Variants in CTNNA2 observed in about 807,000 individuals in gnomAD.
The protein encoded by CTNNA2 is catenin alpha 2.
In CTNNA2, 42 loss-of-function variants were observed where a neutral mutation model predicts 101.0. The ratio of observed to expected loss-of-function variants is 0.42; its 90% CI spans 0.32 to 0.54. The LOEUF (loss-of-function observed/expected upper bound fraction) is 0.54. CTNNA2 is among the 20% of genes least tolerant of loss of function. The probability of loss-of-function intolerance (pLI) is 0.14; values close to 1 mark genes in which losing one functional copy is unlikely to be tolerated. For synonymous variants in CTNNA2, 450 were observed against 456.4 expected, an observed-to-expected ratio of 0.99 and a Z score of 0.18; for missense variants, 871 against 1,223.1, an observed-to-expected ratio of 0.71 and a Z score of 4.29.
At chr2:79,807,243 A>G (rs1676650188) in intron 3 of CTNNA2, among the ~76,000 whole-genome samples, 1 of 152,074 alleles carries the variant, frequency 6.6e-6, no homozygotes, top group African/African-American at 2.4e-5. Context: ...TTGTAGATTC[A>G]TGATTTTTAT....
At chr2:79,721,082 G>T (rs1164590756) in intron 2 of CTNNA2, among the ~76,000 whole-genome samples, 27 of 150,530 alleles carry the variant, frequency 1.8e-4, no homozygotes, top group Middle Eastern at 3.4e-3. Context: ...ATCACATCAT[G>T]CTTCTTGTTC....
At chr2:80,138,652 C>A (rs933879675) in intron 7 of CTNNA2, among the ~76,000 whole-genome samples, 1 of 152,086 alleles carries the variant, frequency 6.6e-6, no homozygotes, top group Non-Finnish European at 1.5e-5. Flanking sequence ...AGCAGCTGGA[C>A]TGCCTGAGTT....
intron 7 of CTNNA2, among the ~76,000 whole-genome samples, chr2:80,291,957 G>A (rs2149181133): frequency 6.6e-6 from 1 of 152,314 alleles, no homozygotes; most frequent in East Asian, 1.9e-4. Flanking sequence ...AGAAAGCTGG[G>A]AAGGAAGCCA....
At chr2:80,063,850 G>T (rs945179334) in intron 7 of CTNNA2, among the ~76,000 whole-genome samples, 3 of 152,150 alleles carry the variant, frequency 2.0e-5, no homozygotes, top group Non-Finnish European at 4.4e-5. Context: ...CATTTCCAAA[G>T]TATAAGAATT....
chr2:79,859,429 G>A (rs1299058589), intron 4 of CTNNA2, among the ~76,000 whole-genome samples: 2 of 152,054 alleles, frequency 1.3e-5, no homozygotes, highest in African/African-American at 2.4e-5. Flanking sequence ...TTTACCGAAG[G>A]TGGCCCCAAT....
intron 2 of CTNNA2, among the ~76,000 whole-genome samples, chr2:79,242,398 T>G (rs908437001): frequency 6.6e-6 from 1 of 152,140 alleles, no homozygotes; most frequent in African/African-American, 2.4e-5. Context: ...GGAGGTGATT[T>G]GGGGAAACCT....
chr2:79,679,550 G>A (rs572721941), intron 2 of CTNNA2, among the ~76,000 whole-genome samples: 2 of 152,062 alleles, frequency 1.3e-5, no homozygotes, highest in Admixed American at 6.6e-5. Context: ...GCATGCAGCT[G>A]TAAACCGCCC....
At chr2:80,487,398 G>A (rs1971116) in intron 9 of CTNNA2, among the ~76,000 whole-genome samples, 47,721 of 151,934 alleles carry the variant, frequency 0.31, 8,026 homozygotes, top group East Asian at 0.62. Flanking sequence ...AAAGCAAAGA[G>A]GTTTAATTGA....
rs542603343 is a variant in CTNNA2 at position 80,574,324 on chromosome 2, G to T, written c.1893+10G>T. On this transcript the variant is annotated intron_variant, in intron 13 of 18. Transcript: ENST00000402739. ...TGTGCTGATGATCAGGGTATGTGAG[G>T]CCTCTGTAGCTCAGAGCTGGTCAGA... 2.5e-6 allele frequency: 4 copies of T among 1,603,260 alleles called. No homozygotes were observed. Among genetic ancestry groups the T allele is most frequent in the Non-Finnish European group, 3.4e-6 (4 of 1,171,972 alleles).
At chr2:79,220,815 C>T (rs1433297576) in intron 2 of CTNNA2, among the ~76,000 whole-genome samples, 1 of 152,132 alleles carries the variant, frequency 6.6e-6, no homozygotes, top group Admixed American at 6.5e-5. Context: ...TAAAGCTTCA[C>T]CTGAGAGCTG....
At chr2:80,519,044 G>A (rs1031262541) in intron 9 of CTNNA2, among the ~76,000 whole-genome samples, 12 of 152,050 alleles carry the variant, frequency 7.9e-5, no homozygotes, top group African/African-American at 2.9e-4. Flanking sequence ...AGTTTTCATG[G>A]GGCAGTGAAA....
intron 4 of CTNNA2, among the ~76,000 whole-genome samples, chr2:79,401,689 G>A (rs914571875): frequency 3.3e-5 from 5 of 150,466 alleles, no homozygotes; most frequent in African/African-American, 7.3e-5. Context: ...TGATAAAATC[G>A]AAAAACTAAA....
At chr2:79,995,417 C>T (rs1232089959) in intron 7 of CTNNA2, among the ~76,000 whole-genome samples, 1 of 152,152 alleles carries the variant, frequency 6.6e-6, no homozygotes, top group African/African-American at 2.4e-5. Flanking sequence ...AGCCATCTAG[C>T]ATCTATATTC....
intron 9 of CTNNA2, among the ~76,000 whole-genome samples, chr2:80,441,694 A>G (rs189906810): frequency 1.3e-5 from 2 of 152,292 alleles, no homozygotes; most frequent in African/African-American, 4.8e-5. Context: ...AAAATATAAT[A>G]TGTTAGGCAA....
intron 3 of CTNNA2, among the ~76,000 whole-genome samples, chr2:79,314,023 A>T (rs1676441059): frequency 1.3e-5 from 2 of 152,024 alleles, no homozygotes; most frequent in African/African-American, 4.8e-5. Flanking sequence ...TTGCTGAGGG[A>T]TGGGGCATCC....
intron 7 of CTNNA2, among the ~76,000 whole-genome samples, chr2:80,127,872 G>A (rs1030259817): frequency 2.0e-5 from 3 of 152,046 alleles, no homozygotes; most frequent in African/African-American, 7.2e-5. Flanking sequence ...GAGTACAGGG[G>A]GCAGCTATTC....
chr2:80,355,812 C>A (rs532403553), intron 7 of CTNNA2, among the ~76,000 whole-genome samples: 1 of 152,068 alleles, frequency 6.6e-6, no homozygotes, highest in African/African-American at 2.4e-5. Flanking sequence ...GAACATTAAA[C>A]GACCATTTTT....
At chr2:80,630,487 A>G (rs1016089750) in intron 18 of CTNNA2, among the ~76,000 whole-genome samples, 4 of 152,072 alleles carry the variant, frequency 2.6e-5, no homozygotes, top group Non-Finnish European at 4.4e-5. Flanking sequence ...AAATAAAAAA[A>G]TTAGCTGGGC....
At chr2:80,093,663 C>T (rs1236104428) in intron 7 of CTNNA2, among the ~76,000 whole-genome samples, 1 of 147,476 alleles carries the variant, frequency 6.8e-6, no homozygotes, top group African/African-American at 2.6e-5. Flanking sequence ...CTCTCCAGCA[C>T]CTGTTTTTTC....
Sources: allele counts gnomAD v4.1 joint callset (sites outside exome capture counted in the v4.1 genomes callset), GRCh38; gene constraint gnomAD v4.1.1; transcripts MANE v1.5; gene names NCBI Gene and HGNC (gene_info 2026-07-23, HGNC 2026-07-21).